CAMSAP3: variants seen among roughly 807,000 people sequenced by gnomAD.
CAMSAP3 encodes calmodulin-regulated spectrin-associated protein 3.
CAMSAP3 carries 34 observed loss-of-function variants against 112.5 expected under a neutral mutation model. That is an observed-to-expected ratio of 0.30 (90% CI 0.23 to 0.40). CAMSAP3 has a LOEUF of 0.40. CAMSAP3 is among the 10% of genes least tolerant of loss of function. CAMSAP3 has a pLI of 1.00. For missense variants in CAMSAP3, 1,602 were observed against 1,770.3 expected, an observed-to-expected ratio of 0.90 and a Z score of 1.71; for synonymous variants, 868 against 799.8, an observed-to-expected ratio of 1.09 and a Z score of -1.44.
Position 7,615,688 on chromosome 19 carries a change from C to T in CAMSAP3, c.3081C>T (p.Ala1027=). 7.1e-7 allele frequency: 1 copy of T among 1,417,438 alleles called. No homozygotes were observed. The highest frequency in any genetic ancestry group is 1.5e-5 in the South Asian group (1 of 66,184). The allele number at this position is 1,417,438 out of a possible 1,614,324, so 87.8% of individuals were successfully genotyped here. ...RPRSGCCDDS[A]LARSPARGLL... ...GCTCGGGTTGCTGTGACGACTCAGC[C>T]CTGGCACGAAGCCCAGCCCGCGGCC... Residue 1027 remains alanine (A), a synonymous_variant, in exon 13 of 17, where the codon GCC becomes GCT. Coordinates refer to ENST00000160298, the MANE Select transcript of CAMSAP3 (RefSeq NM_020902.2). This position sits in a 1 kb window ranked among gnomAD's most constrained non-coding sequence, Gnocchi z 6.5.
intron 1 of CAMSAP3, among the ~76,000 whole-genome samples, chr19:7,601,532 T>G (rs2029967083): frequency 6.6e-6 from 1 of 152,030 alleles, no homozygotes; most frequent in Admixed American, 6.5e-5. Context: ...TTGGCCAGTC[T>G]GGGCACATTG....
Position 7,611,310 on chromosome 19 carries a change from A to G in CAMSAP3, c.1123+142A>G. 1 of 927,488 alleles carries G rather than the reference A, an allele frequency of 1.1e-6. No individual in the cohort carries two copies. Among genetic ancestry groups the G allele is most frequent in the Non-Finnish European group, 1.7e-6 (1 of 603,990 alleles). The allele number at this position is 927,488 out of a possible 1,614,324, so 57.5% of individuals were successfully genotyped here. Reference sequence around the variant, plus strand: ...TTGGGCATCCCAAAGTGACCCCCAGAATGGCCTCCCCAGTGGCCCCACAGT... The same window carrying G: ...TTGGGCATCCCAAAGTGACCCCCAGGATGGCCTCCCCAGTGGCCCCACAGT... On this transcript the variant is annotated intron_variant, in intron 9 of 16. Coordinates refer to ENST00000160298, the MANE Select transcript of CAMSAP3 (RefSeq NM_020902.2). This position sits in a 1 kb window ranked among gnomAD's most constrained non-coding sequence, Gnocchi z 6.9.
At position 7,614,810 on chromosome 19, in the gene CAMSAP3, C is replaced by A. The variant is rs979826209; in HGVS notation, c.2671-373C>A. The stretch of plus-strand genomic sequence containing the variant: ...GCTCTGTACGCCCACCTAGTTAAAT[C>A]CTGATCATTCTACAGGGTACTTCCT... On this transcript the variant is annotated intron_variant, in intron 11 of 16. Transcript: ENST00000160298. 20 of 333,832 alleles carry A rather than the reference C, an allele frequency of 6.0e-5. No homozygotes were observed. In the East Asian group the frequency reaches 1.4e-3, roughly 23 times the overall value. The allele number at this position is 333,832 out of a possible 1,614,324, so 20.7% of individuals were successfully genotyped here.
In CAMSAP3 at chr19:7,615,633, G is replaced by A. The variant is rs1409244569; in HGVS notation, c.3026G>A (p.Gly1009Asp). Residue 1009 changes from glycine to aspartate, a missense_variant, in exon 13 of 17, where the codon GGT becomes GAT. Physicochemically the swap from Gly to Asp is moderately conservative, Grantham distance 94. Transcript: ENST00000160298. This position sits in a 1 kb window ranked among gnomAD's most constrained non-coding sequence, Gnocchi z 6.5. ...CGGGCTGCGGGGTCCGGGGGTCCAG[G>A]TCGGGGCGGGCGGAGGGCCACCCGG... ...RPRAAGSGGP[G>D]RGGRRATRPR... 7.0e-7 allele frequency: 1 copy of A among 1,436,572 alleles called. No individual in the cohort carries two copies. Among genetic ancestry groups the A allele is most frequent in the Admixed American group, 2.8e-5 (1 of 35,326 alleles). The allele number at this position is 1,436,572 out of a possible 1,614,324, so 89.0% of individuals were successfully genotyped here.
At chr19:7,596,303 G>T (rs1263530372) in intron 1 of CAMSAP3, among the ~76,000 whole-genome samples, 153 bp downstream of exon 1, 1 of 149,990 alleles carries the variant, frequency 6.7e-6, no homozygotes, top group Non-Finnish European at 1.5e-5. Flanking sequence ...TGCCGCGCCG[G>T]GGCCTCCGAG....
In CAMSAP3 at chr19:7,610,893, C is replaced by A; in HGVS notation, c.1011C>A (p.Gly337=). 6.3e-7 allele frequency: 1 copy of A among 1,593,574 alleles called. No homozygotes were observed. Among genetic ancestry groups the A allele is most frequent in the South Asian group, 1.1e-5 (1 of 88,068 alleles). Residue 337 remains glycine, a synonymous_variant, in exon 8 of 17, where the codon GGC becomes GGA. Transcript: ENST00000160298. This position sits in a 1 kb window ranked among gnomAD's most constrained non-coding sequence, Gnocchi z 4.9. The part of the protein sequence containing the change: ...LPDGHAASPR[G]TEASPPQNNS... ...GTACTGCAGCTGCCTCCCCCCGGGG[C>A]ACTGAGGCCTCCCCACCTCAGAACA...
chr19:7,613,259 G>T, intron 11 of CAMSAP3, 96 bp downstream of exon 11: 1 of 265,304 alleles, frequency 3.8e-6, no homozygotes, highest in East Asian at 2.1e-4. Context: ...GGATGAATAG[G>T]GCTTTACTGA....
At chr19:7,605,197 C>T (rs1433595652) in intron 1 of CAMSAP3, 29 bp from the exon 2 acceptor site, 20 of 1,324,492 alleles carry the variant, frequency 1.5e-5, no homozygotes, top group Non-Finnish European at 1.9e-5. Context: ...TGACCCTGAC[C>T]CCCGTGTTTC....
intron 11 of CAMSAP3, among the ~76,000 whole-genome samples, chr19:7,614,336 GT>G (rs750674208): frequency 0.17 from 17,295 of 103,420 alleles, 1,402 homozygotes; most frequent in Admixed American, 0.25. Flanking sequence ...TTTTTTTTTT[GT>G]TTTGTTTTCT....
rs200164598 is a variant in CAMSAP3 at position 7,612,073 on chromosome 19, C to T, written c.1580C>T (p.Ser527Leu). 1.4e-4 allele frequency: 218 copies of T among 1,609,524 alleles called. 1 individual carries two copies. The highest frequency in any genetic ancestry group is 4.2e-4 in the Admixed American group (25 of 59,868). ...PVYMPHPETP[S>L]KPSPCLVGEA... is the part of the protein sequence containing the mutation. ...TACATGCCACACCCCGAGACCCCCT[C>T]GAAACCATCTCCCTGTCTGGTGGGG... Residue 527 changes from serine to leucine, a missense_variant, in exon 11 of 17, where the codon TCG becomes TTG. Physicochemically the swap from Ser to Leu is moderately radical, Grantham distance 145. Transcript: ENST00000160298.
intron 1 of CAMSAP3, among the ~76,000 whole-genome samples, chr19:7,600,851 C>T (rs1599343899): frequency 7.5e-6 from 1 of 133,286 alleles, no homozygotes; most frequent in African/African-American, 2.8e-5. Context: ...CCCATTCATC[C>T]ATCCATCCAT....
Position 7,618,275 on chromosome 19 carries a change from CA to C in CAMSAP3, c.*219del. ...CTCAGTCCCCTTGTCTGTCCTCCCC[CA>C]CTTCTTGAATAAAATAATTTAAAGA... On this transcript the variant is annotated 3_prime_UTR_variant, in exon 17 of 17. Coordinates refer to ENST00000160298, the MANE Select transcript of CAMSAP3 (RefSeq NM_020902.2). 1.8e-6 allele frequency: 1 copy of C among 559,448 alleles called. No individual in the cohort carries two copies. Among genetic ancestry groups the C allele is most frequent in the Non-Finnish European group, 3.1e-6 (1 of 318,246 alleles). The allele number at this position is 559,448 out of a possible 1,614,324, so 34.7% of individuals were successfully genotyped here. A position where few individuals can be genotyped will look rare whatever the true frequency, so the allele number is the denominator to read the frequency against.
Position 7,610,659 on chromosome 19 carries a change from G to C in CAMSAP3, c.901-41G>C, listed in dbSNP as rs758637920. 6.2e-7 allele frequency: 1 copy of C among 1,613,878 alleles called. No individual in the cohort carries two copies. The highest frequency in any genetic ancestry group is 2.2e-5 in the East Asian group (1 of 44,882). ...CTCCTGGGCCGAGGCGGGCATCTGG[G>C]GCCAGGGGTCCCGTCTGCTGACCCG... On this transcript the variant is annotated intron_variant, in intron 6 of 16. Transcript: ENST00000160298. This position sits in a 1 kb window ranked among gnomAD's most constrained non-coding sequence, Gnocchi z 4.9.
rs1012617941 is a variant in CAMSAP3, at chr19:7,608,633, CT to C, written c.760+387del. On this transcript the variant is annotated intron_variant, in intron 5 of 16. Transcript: ENST00000160298. ...AAGATACTAAGTTTATCCAAAAGTA[CT>C]TTTTTTTTTTTTTTTTTGAGACGGG... 2.3e-3 allele frequency among the ~76,000 whole-genome samples: 305 copies of C among 131,598 alleles called. 1 individual carries two copies. The highest frequency in any genetic ancestry group is 3.7e-3 in the Middle Eastern group (1 of 270). 86.3% of individuals were successfully genotyped at this position (131,598 alleles called of 152,430 possible).
chr19:7,612,106 C>T lies in CAMSAP3; in HGVS notation c.1613C>T (p.Ser538Leu), dbSNP rs1285890367. 1 of 1,610,400 alleles carries T rather than the reference C, an allele frequency of 6.2e-7. No homozygotes were observed. Residue 538 changes from serine to leucine, a missense_variant, in exon 11 of 17, where the codon TCG (serine) becomes TTG (leucine). Physicochemically the swap from Ser to Leu is moderately radical, Grantham distance 145. Coordinates refer to ENST00000160298, the MANE Select transcript of CAMSAP3 (RefSeq NM_020902.2). Reference protein sequence around the residue: ...KPSPCLVGEASKPPAPSEGSP... With the variant: ...KPSPCLVGEALKPPAPSEGSP... ...TCTCCCTGTCTGGTGGGGGAGGCAT[C>T]GAAACCGCCAGCCCCATCCGAGGGG...
At chr19:7,605,054 C>G (rs2030133665) in intron 1 of CAMSAP3, among the ~76,000 whole-genome samples, 172 bp from the exon 2 acceptor site, 1 of 152,102 alleles carries the variant, frequency 6.6e-6, no homozygotes, top group South Asian at 2.1e-4. Context: ...CTCCAGCAAA[C>G]TCCTGCACAT....
chr19:7,607,783 C>G lies in CAMSAP3; in HGVS notation c.622-343C>G, dbSNP rs575107593. 3 of 800,644 alleles carry G rather than the reference C, an allele frequency of 3.7e-6. No individual in the cohort carries two copies. Among genetic ancestry groups the G allele is most frequent in the Non-Finnish European group, 6.0e-6 (3 of 502,392 alleles). 49.6% of individuals were successfully genotyped at this position (800,644 alleles called of 1,614,324 possible). Reference sequence around the variant, plus strand: ...GGCTTGGGGGCCCAGCAGGTCAGCACCCCTCCCCCTTGCTGATGGCTGCTC... The same window carrying G: ...GGCTTGGGGGCCCAGCAGGTCAGCAGCCCTCCCCCTTGCTGATGGCTGCTC... On this transcript the variant is annotated intron_variant, in intron 4 of 16. Transcript: ENST00000160298. The surrounding 1 kb of genome is among the most constrained non-coding windows in gnomAD (Gnocchi z 4.9).
At chr19:7,600,890 C>T (rs1298559424) in intron 1 of CAMSAP3, among the ~76,000 whole-genome samples, 1 of 135,956 alleles carries the variant, frequency 7.4e-6, no homozygotes, top group African/African-American at 2.7e-5. Context: ...ATTTATCCAT[C>T]CATCCATCCA....
In CAMSAP3 at chr19:7,612,691, C is replaced by T. The variant is rs1381497037; in HGVS notation, c.2198C>T (p.Ala733Val). The part of the protein sequence containing the change: ...QQQRLLAPPE[A>V]PGSAPPPAAW... ...CAGCGGCTCCTGGCCCCGCCCGAGG[C>T]CCCCGGATCCGCCCCACCACCTGCT... Residue 733 changes from alanine to valine, a missense_variant, in exon 11 of 17, where the codon GCC (alanine) becomes GTC (valine). By Grantham distance (64) the Ala-to-Val change is moderately conservative. Around this residue, in one of 6 missense-constraint regions of CAMSAP3, gnomAD observed 1,100 missense variants for 1,135.7 expected, o/e 0.97. Coordinates refer to ENST00000160298, the MANE Select transcript of CAMSAP3 (RefSeq NM_020902.2). 4.6e-6 allele frequency: 7 copies of T among 1,513,458 alleles called. No individual in the cohort carries two copies. Among genetic ancestry groups the T allele is most frequent in the Non-Finnish European group, 6.2e-6 (7 of 1,133,678 alleles). The allele number at this position is 1,513,458 out of a possible 1,614,324, so 93.8% of individuals were successfully genotyped here.
Sources: allele counts gnomAD v4.1 joint callset (sites outside exome capture counted in the v4.1 genomes callset), GRCh38; gene constraint gnomAD v4.1.1; regional missense constraint gnomAD v4.1.1; non-coding constraint Gnocchi (gnomAD v3.1); transcripts MANE v1.5; gene names NCBI Gene and HGNC (gene_info 2026-07-23, HGNC 2026-07-21).